Variants in UGGT2 observed in about 807,000 individuals in gnomAD.
UGGT2 encodes UDP-glucose glycoprotein glucosyltransferase 2.
In UGGT2, 180 loss-of-function variants were observed where a neutral mutation model predicts 192.1. That is an observed-to-expected ratio of 0.94 (90% confidence interval 0.83 to 1.06). The LOEUF is 1.06. UGGT2 is among the 50% of genes least tolerant of loss of function. The probability of loss-of-function intolerance (pLI) is 0.00; values close to 1 mark genes in which losing one functional copy is unlikely to be tolerated. For missense variants in UGGT2, 1,849 were observed against 1,795.7 expected (o/e 1.03, Z -0.54); for synonymous variants, 580 against 591.0 (o/e 0.98, Z 0.27).
At chr13:96,042,189 G>T (rs779256693) in intron 1 of UGGT2, among the ~76,000 whole-genome samples, 2 of 152,168 alleles carry the variant, frequency 1.3e-5, no homozygotes, top group East Asian at 3.9e-4. Flanking sequence ...AGACAGTTCA[G>T]ATCATAGGAC....
chr13:95,818,907 T>C (rs1380663689), intron 38 of UGGT2, among the ~76,000 whole-genome samples: 2 of 152,116 alleles, frequency 1.3e-5, no homozygotes, highest in Non-Finnish European at 2.9e-5. Flanking sequence ...TCTAGGCCTT[T>C]CCCACAGCAG....
At position 95,831,958 on chromosome 13, in the gene UGGT2, TTATC is replaced by T. The variant is rs1329760609; in HGVS notation, c.4528+965_4528+968del. On this transcript the variant is annotated intron_variant, in intron 38 of 38. Transcript: ENST00000376747. ...TTTCTTATGAATTGAAATAGTATCTTTATCTATACTAAATTATTATACATACATG... is the reference window on the plus strand; with the variant it reads ...TTTCTTATGAATTGAAATAGTATCTTTATACTAAATTATTATACATACATG... Among the ~76,000 whole-genome samples, 5 of 152,120 alleles carry T rather than the reference TTATC, an allele frequency of 3.3e-5. 1 individual carries two copies. In the South Asian group the frequency reaches 8.3e-4, roughly 25 times the overall value.
intron 38 of UGGT2, among the ~76,000 whole-genome samples, chr13:95,815,808 C>G (rs890404435): frequency 3.9e-5 from 6 of 152,164 alleles, no homozygotes; most frequent in Admixed American, 3.9e-4. Flanking sequence ...TGTGTCCTCA[C>G]CAAATCTCAT....
chr13:95,897,913 C>T (rs1195351510), intron 22 of UGGT2, among the ~76,000 whole-genome samples: 2 of 152,032 alleles, frequency 1.3e-5, no homozygotes, highest in Non-Finnish European at 2.9e-5. Flanking sequence ...TTTTGGAGGT[C>T]CAAACTGAAT....
chr13:95,970,359 T>G lies in UGGT2; in HGVS notation c.1185-97A>C, dbSNP rs377169481. On this transcript the variant is annotated intron_variant, in intron 11 of 38. Coordinates refer to ENST00000376747, the MANE Select transcript of UGGT2 (RefSeq NM_020121.4). The stretch of plus-strand genomic sequence containing the variant: ...GTCTTAAAGCATTAGAAATGAGATT[T>G]TTTGGTATCTTCATTAATAGCAGGA... 40 of 1,131,448 alleles carry G rather than the reference T, an allele frequency of 3.5e-5. No individual in the cohort carries two copies. In the African/African-American group the frequency reaches 4.9e-4, roughly 14 times the overall value. The allele number at this position is 1,131,448 out of a possible 1,614,324, so 70.1% of individuals were successfully genotyped here.
chr13:95,961,987 A>G (rs1374165637), intron 12 of UGGT2, among the ~76,000 whole-genome samples: 1 of 152,198 alleles, frequency 6.6e-6, no homozygotes, highest in Non-Finnish European at 1.5e-5. Context: ...CTCCTGAATT[A>G]CTGGGTCAAG....
intron 22 of UGGT2, 130 bp from the exon 23 acceptor site, chr13:95,895,434 T>C (rs2047919833): frequency 3.8e-6 from 2 of 523,440 alleles, no homozygotes; most frequent in Non-Finnish European, 3.0e-6. Context: ...ATGGTAGCTA[T>C]TAATCCTGCC....
At chr13:95,984,362 C>T (rs1224092594) in intron 9 of UGGT2, among the ~76,000 whole-genome samples, 1 of 152,090 alleles carries the variant, frequency 6.6e-6, no homozygotes. Context: ...CAGAGTCTCA[C>T]TCTTCTACCC....
intron 5 of UGGT2, among the ~76,000 whole-genome samples, chr13:96,000,906 C>T (rs1365974829): frequency 6.6e-6 from 1 of 152,004 alleles, no homozygotes; most frequent in Non-Finnish European, 1.5e-5. Flanking sequence ...CACAAAAAGG[C>T]ATATGTTAAA....
chr13:95,841,498 A>G (rs919455678), intron 36 of UGGT2, among the ~76,000 whole-genome samples: 2 of 152,194 alleles, frequency 1.3e-5, no homozygotes. Context: ...GTAGCCAGCC[A>G]GATCAGCTGA....
intron 11 of UGGT2, among the ~76,000 whole-genome samples, chr13:95,971,620 A>G (rs2050776366): frequency 6.6e-6 from 1 of 152,126 alleles, no homozygotes; most frequent in South Asian, 2.1e-4. Flanking sequence ...ACTTCCTTTA[A>G]ACCTGTTTTC....
intron 5 of UGGT2, among the ~76,000 whole-genome samples, chr13:96,003,748 A>G (rs2051881246): frequency 6.6e-6 from 1 of 152,166 alleles, no homozygotes; most frequent in African/African-American, 2.4e-5. Context: ...TGAATCCCCA[A>G]GCTCTAATCT....
intron 4 of UGGT2, among the ~76,000 whole-genome samples, chr13:96,021,757 T>C (rs550301989): frequency 1.3e-5 from 2 of 152,268 alleles, no homozygotes; most frequent in African/African-American, 4.8e-5. Context: ...TCCATCCCAA[T>C]AGTTGAAAAA....
At chr13:95,898,839 C>A (rs1229429640) in intron 22 of UGGT2, among the ~76,000 whole-genome samples, 1 of 152,162 alleles carries the variant, frequency 6.6e-6, no homozygotes, top group Non-Finnish European at 1.5e-5. Context: ...CTTGGACTTC[C>A]CAGCCTCCAG....
intron 38 of UGGT2, among the ~76,000 whole-genome samples, chr13:95,821,915 G>A (rs115186738): frequency 1.1e-3 from 170 of 152,208 alleles, no homozygotes; most frequent in African/African-American, 3.6e-3. Flanking sequence ...TGTTCCATTG[G>A]TCTACATGCC....
Position 95,801,821 on chromosome 13 carries a change from G to C in UGGT2, c.4529-9C>G. 6.2e-7 allele frequency: 1 copy of C among 1,613,540 alleles called. No individual in the cohort carries two copies. The highest frequency in any genetic ancestry group is 8.5e-7 in the Non-Finnish European group (1 of 1,179,724). On this transcript the variant is annotated splice_polypyrimidine_tract_variant and intron_variant, in intron 38 of 38. Coordinates refer to ENST00000376747, the MANE Select transcript of UGGT2 (RefSeq NM_020121.4). ...TTCATCATGTGTCAAAACTATAAGG[G>C]AGAAAAGTTTATTTAGCTTCTGGCA...
intron 19 of UGGT2, 24 bp from the exon 20 acceptor site, chr13:95,925,798 C>A: frequency 2.0e-6 from 3 of 1,475,058 alleles, no homozygotes; most frequent in South Asian, 1.4e-5. Context: ...ACAGTTTACT[C>A]AAATTAACTT....
At position 95,996,105 on chromosome 13, in the gene UGGT2, G is replaced by A. The variant is rs1464212425; in HGVS notation, c.788C>T (p.Thr263Ile). 2.5e-6 allele frequency: 4 copies of A among 1,613,350 alleles called. 1 individual carries two copies. The highest frequency in any genetic ancestry group is 2.2e-5 in the South Asian group (2 of 90,960). The stretch of plus-strand genomic sequence containing the variant: ...AAATCCTTGAACTTCATTTGTTTCA[G>A]TCTCATCCTCTACAGTAGTATTAGT... ...TVTNTTVEDE[T>I]ETNEVQGFLF... The change falls in exon 7 of 39, where the codon ACT becomes ATT. Residue 263 changes from threonine to isoleucine, a missense_variant. Physicochemically the swap from Thr to Ile is moderately conservative, Grantham distance 89. Transcript: ENST00000376747.
chr13:95,995,927 A>G, intron 7 of UGGT2, 136 bp downstream of exon 7: 1 of 728,868 alleles, frequency 1.4e-6, no homozygotes, highest in Non-Finnish European at 2.3e-6. Flanking sequence ...GTAATAAATA[A>G]AAACAATCGT....
Sources: allele counts gnomAD v4.1 joint callset (sites outside exome capture counted in the v4.1 genomes callset), GRCh38; gene constraint gnomAD v4.1.1; transcripts MANE v1.5; gene names NCBI Gene and HGNC (gene_info 2026-07-23, HGNC 2026-07-21).